Variants in SLC25A39 observed in about 807,000 individuals in gnomAD.
SLC25A39 encodes solute carrier family 25 member 39.
A neutral mutation model predicts 46.6 loss-of-function variants in SLC25A39; 44 were observed. The ratio of observed to expected loss-of-function variants is 0.94; its 90% CI spans 0.74 to 1.21. The LOEUF is 1.21. Ranked by LOEUF, SLC25A39 falls within the 50% of genes most tolerant of loss-of-function variation. The pLI, the probability that SLC25A39 is intolerant of heterozygous loss-of-function variation, is 0.00. For synonymous variants in SLC25A39, 218 were observed against 190.6 expected (o/e 1.14, Z -1.19); for missense variants, 487 against 473.0 (o/e 1.03, Z -0.28).
At chr17:44,323,439 A>AAGCGCCCCCCCCCCCC in intron 2 of SLC25A39, 39 bp downstream of exon 2, 1 of 257,114 alleles carries the variant, frequency 3.9e-6, no homozygotes, top group Non-Finnish European at 5.7e-6. Context: ...GGTCTGCCCC[A>AAGCGCCCCCCCCCCCC]TCCCCACCCG....
Position 44,320,184 on chromosome 17 carries a change from C to A in SLC25A39, c.964+12G>T. On this transcript the variant is annotated intron_variant, in intron 11 of 11. Transcript: ENST00000377095. ...TCCGCCATGCCCCCACCCCCGACAC[C>A]CACACACTGACCTGCAAAGAGTCCC... 6.2e-7 allele frequency: 1 copy of A among 1,614,052 alleles called. No individual in the cohort carries two copies. Among genetic ancestry groups the A allele is most frequent in the African/African-American group, 1.3e-5 (1 of 75,056 alleles).
rs2048136098 is a variant in SLC25A39, at chr17:44,323,705, C to T, written c.-15-128G>A. ...CTGTTGCCAGGCTGGAGTGCAGTGG[C>T]ACCATCTTGGCTCACTGCAACATCC... On this transcript the variant is annotated intron_variant, in intron 1 of 11. Coordinates refer to ENST00000377095, the MANE Select transcript of SLC25A39 (RefSeq NM_001143780.3). The T allele has an allele frequency of 4.5e-6, 3 of 666,268 alleles. No individual in the cohort carries two copies. In the South Asian group the frequency reaches 5.6e-5, roughly 12 times the overall value. 41.3% of individuals were successfully genotyped at this position (666,268 alleles called of 1,614,324 possible). A position where few individuals can be genotyped will look rare whatever the true frequency, so the allele number is the denominator to read the frequency against.
Position 44,322,533 on chromosome 17 carries a change from G to A in SLC25A39, c.210C>T (p.Ser70=). 1 of 1,614,126 alleles carries A rather than the reference G, an allele frequency of 6.2e-7. No individual in the cohort carries two copies. Among genetic ancestry groups the A allele is most frequent in the Admixed American group, 1.7e-5 (1 of 60,014 alleles). Residue 70 remains serine (S), a synonymous_variant, in exon 5 of 12, where the codon TCC becomes TCT. Coordinates refer to ENST00000377095, the MANE Select transcript of SLC25A39 (RefSeq NM_001143780.3). The stretch of plus-strand genomic sequence containing the variant: ...TGCAATACAGGAGGCACTTCCCTGT[G>A]GATTGGAGAGAGGAGGGCACTGGGG... The part of the protein sequence containing the change: ...SYTKLPSSLQ[S]TGKCLLYCNG...
intron 3 of SLC25A39, 32 bp from the exon 4 acceptor site, chr17:44,322,884 G>A (rs2048097289): frequency 6.2e-7 from 1 of 1,612,588 alleles, no homozygotes; most frequent in Admixed American, 1.7e-5. Context: ...CAAGTCAGGA[G>A]AGCCCCCACC....
chr17:44,323,439 A>AACCCCCCCCCCCCCCCCC, intron 2 of SLC25A39, 39 bp downstream of exon 2: 30 of 256,934 alleles, frequency 1.2e-4, no homozygotes, highest in Non-Finnish European at 1.3e-4. Flanking sequence ...GGTCTGCCCC[A>AACCCCCCCCCCCCCCCCC]TCCCCACCCG....
Position 44,323,515 on chromosome 17 carries a change from C to A in SLC25A39, c.48G>T (p.Val16=), listed in dbSNP as rs372511266. ...PAGISPLQQM[V]ASGTGAVVTS... ...TAACCACAGCCCCGGTGCCTGAGGC[C>A]ACCATTTGCTGGAGGGGGCTGATGC... The change falls in exon 2 of 12, where the codon GTG becomes GTT. Residue 16 remains valine (V), a synonymous_variant. Coordinates refer to ENST00000377095, the MANE Select transcript of SLC25A39 (RefSeq NM_001143780.3). 542 of 1,572,784 alleles carry A rather than the reference C, an allele frequency of 3.4e-4. 8 individuals are homozygous for A. The South Asian group carries it at 6.0e-3, about 17-fold the overall frequency.
chr17:44,322,935 T>C (rs1039899818), intron 3 of SLC25A39, 83 bp from the exon 4 acceptor site: 4 of 1,457,160 alleles, frequency 2.7e-6, no homozygotes, highest in African/African-American at 2.8e-5. Flanking sequence ...TTTTATTTTA[T>C]TTTTTGAGAT....
At chr17:44,324,530 G>A (rs984821791) in intron 1 of SLC25A39, 181 bp downstream of exon 1, 1 of 152,430 alleles carries the variant, frequency 6.6e-6, no homozygotes, top group Non-Finnish European at 1.5e-5. Flanking sequence ...CGGGAAGTAG[G>A]AACGTAGGAC....
At position 44,319,997 on chromosome 17, in the gene SLC25A39, C is replaced by T; in HGVS notation, c.*4G>A. 1 of 1,613,822 alleles carries T rather than the reference C, an allele frequency of 6.2e-7. No individual in the cohort carries two copies. The highest frequency in any genetic ancestry group is 1.1e-5 in the South Asian group (1 of 91,072). The stretch of plus-strand genomic sequence containing the variant: ...GAGACGGGGTCCTTGCCTCCTTGCC[C>T]CTTTCAGCCGCCCAGAAGCCGGTCC... On this transcript the variant is annotated 3_prime_UTR_variant, in exon 12 of 12. Transcript: ENST00000377095.
rs1268754250 is a variant in SLC25A39, at chr17:44,321,075, C to T, written c.674G>A (p.Arg225Gln). 6.2e-6 allele frequency: 10 copies of T among 1,603,640 alleles called. No homozygotes were observed. Among genetic ancestry groups the T allele is most frequent in the South Asian group, 2.2e-5 (2 of 89,716 alleles). The stretch of plus-strand genomic sequence containing the variant: ...GTGCCTACCTGAGAAGGGCACATCT[C>T]GAAGGGCAGTGGGGCCCCAGCCCAG... Reference protein sequence around the residue: ...LWLGWGPTALRDVPFSALYWF... With the variant: ...LWLGWGPTALQDVPFSALYWF... The change falls in exon 8 of 12, where the codon CGA (arginine) becomes CAA (glutamine). Residue 225 changes from arginine (R) to glutamine (Q), a missense_variant. Arg to Gln is a conservative substitution (Grantham distance 43). Transcript: ENST00000377095.
chr17:44,321,570 G>T lies in SLC25A39; in HGVS notation c.393-12C>A. The T allele has an allele frequency of 1.2e-6, 2 of 1,613,698 alleles. No individual in the cohort carries two copies. Among genetic ancestry groups the T allele is most frequent in the African/African-American group, 2.7e-5 (2 of 75,052 alleles). Reference sequence around the variant, plus strand: ...GCACAGTCATCACCCTGGGGATACAGAGAGAGGTTAGCTGGGACTCCCAAA... The same window carrying T: ...GCACAGTCATCACCCTGGGGATACATAGAGAGGTTAGCTGGGACTCCCAAA... On this transcript the variant is annotated splice_polypyrimidine_tract_variant and intron_variant, in intron 6 of 11. Transcript: ENST00000377095.
intron 2 of SLC25A39, 39 bp downstream of exon 2, chr17:44,323,439 A>AGGCCCC: frequency 3.9e-6 from 1 of 257,114 alleles, no homozygotes; most frequent in Non-Finnish European, 5.7e-6. Context: ...GGTCTGCCCC[A>AGGCCCC]TCCCCACCCG....
At chr17:44,323,959 A>C in intron 1 of SLC25A39, 1 of 223,144 alleles carries the variant, frequency 4.5e-6, no homozygotes, top group Non-Finnish European at 9.0e-6. Context: ...ACTTTAACCC[A>C]ACCCTCATCC....
intron 4 of SLC25A39, 85 bp downstream of exon 4, chr17:44,322,723 G>A: frequency 6.3e-7 from 1 of 1,596,052 alleles, no homozygotes; most frequent in Non-Finnish European, 8.5e-7. Context: ...CCATGGCTGT[G>A]GAGCCCACTG....
Position 44,320,219 on chromosome 17 carries a change from G to C in SLC25A39, c.941C>G (p.Ser314Trp). The stretch of plus-strand genomic sequence containing the variant: ...ACCTGCAAAGAGTCCCTTGGTGCCC[G>C]ACTCGGCCCGGATCCTCCGCAGCAG... ...WLLLRRIRAE[S>W]GTKGLFAGFL... Residue 314 changes from serine (S) to tryptophan (W), a missense_variant, in exon 11 of 12, where the codon TCG becomes TGG. Ser to Trp is a radical substitution (Grantham distance 177). Transcript: ENST00000377095. The C allele has an allele frequency of 1.2e-6, 2 of 1,613,858 alleles. No individual in the cohort carries two copies. The highest frequency in any genetic ancestry group is 3.3e-4 in the Middle Eastern group (2 of 6,062).
chr17:44,322,905 AC>A, intron 3 of SLC25A39, 53 bp from the exon 4 acceptor site: 1 of 1,582,448 alleles, frequency 6.3e-7, no homozygotes, highest in South Asian at 1.1e-5. Flanking sequence ...CGCCCTAGGG[AC>A]CCCATCTCTG....
At chr17:44,323,434 G>GGGCCC in intron 2 of SLC25A39, 44 bp downstream of exon 2, 12 of 1,367,880 alleles carry the variant, frequency 8.8e-6, no homozygotes, top group Middle Eastern at 2.6e-4. Context: ...TCTCCGGTCT[G>GGGCCC]CCCCATCCCC....
intron 7 of SLC25A39, 98 bp from the exon 8 acceptor site, chr17:44,321,329 C>A (rs772406751): frequency 1.4e-5 from 22 of 1,587,056 alleles, no homozygotes; most frequent in Non-Finnish European, 1.7e-5. Flanking sequence ...CCTAGAACAC[C>A]CCCCTATCCC....
chr17:44,323,482 G>GA lies in SLC25A39; in HGVS notation c.80dup (p.Phe28LeufsTer119). 1 of 1,404,526 alleles carries GA rather than the reference G, an allele frequency of 7.1e-7. No individual in the cohort carries two copies. The highest frequency in any genetic ancestry group is 9.4e-7 in the Non-Finnish European group (1 of 1,058,310). The allele number at this position is 1,404,526 out of a possible 1,614,324, so 87.0% of individuals were successfully genotyped here. A position where few individuals can be genotyped will look rare whatever the true frequency, so the allele number is the denominator to read the frequency against. On this transcript the variant is annotated frameshift_variant, in exon 2 of 12. Coordinates refer to ENST00000377095, the MANE Select transcript of SLC25A39 (RefSeq NM_001143780.3). LOFTEE classifies it high-confidence loss of function. ...CCCACCTCCCCTAGGTCTTACTGAA[G>GA]AGAGAGGTAACCACAGCCCCGGTGC...
Sources: gnomAD v4.1 joint callset for allele counts on GRCh38, gnomAD v4.1.1 for gene constraint, MANE v1.5 for transcripts, NCBI Gene and HGNC (gene_info 2026-07-23, HGNC 2026-07-21) for gene names.